RAB6B: variants seen among roughly 807,000 people sequenced by gnomAD.
The protein encoded by RAB6B is ras-related protein Rab-6B.
A neutral mutation model predicts 31.2 loss-of-function variants in RAB6B; 7 were observed. That is an observed-to-expected ratio of 0.22 (90% CI 0.13 to 0.42). RAB6B has a LOEUF of 0.42. Among genes scored for constraint, RAB6B ranks in the 10% least tolerant of loss-of-function variants. RAB6B has a pLI of 1.00. For missense variants in RAB6B, 149 were observed against 280.6 expected (o/e 0.53, Z 3.35); for synonymous variants, 105 against 104.9 (o/e 1.00, Z -0.01).
chr3:133,833,196 G>A (rs73861229), intron 7 of RAB6B, among the ~76,000 whole-genome samples: 23,212 of 152,132 alleles, frequency 0.15, 5,210 homozygotes, highest in African/African-American at 0.49. Context: ...CCATGTGACA[G>A]GTGATTCCAC....
rs919404584 is a variant in RAB6B at position 133,824,904 on chromosome 3, C to G, written c.*3884G>C. On this transcript the variant is annotated 3_prime_UTR_variant, in exon 8 of 8. Coordinates refer to ENST00000285208, the MANE Select transcript of RAB6B (RefSeq NM_016577.4). ...ATGAAAAATGGAAACTTCACTGGTT[C>G]TGATCACTCCTAACTTGCTGGGTGA... 2 of 152,174 alleles carry G rather than the reference C, an allele frequency of 1.3e-5. No homozygotes were observed. Among genetic ancestry groups the G allele is most frequent in the African/African-American group, 4.8e-5 (2 of 41,428 alleles). 9.4% of individuals were successfully genotyped at this position (152,174 alleles called of 1,614,324 possible).
chr3:133,871,781 G>A (rs1362218272), intron 1 of RAB6B, among the ~76,000 whole-genome samples: 1 of 152,238 alleles, frequency 6.6e-6, no homozygotes, highest in Non-Finnish European at 1.5e-5. Flanking sequence ...CTGGCAGAAG[G>A]TGTACCACCC....
intron 1 of RAB6B, among the ~76,000 whole-genome samples, chr3:133,873,638 T>C (rs1000591228): frequency 1.3e-5 from 2 of 152,202 alleles, no homozygotes; most frequent in African/African-American, 4.8e-5. Context: ...ACCCCAAGGT[T>C]TACTGAGGTA....
chr3:133,895,265 AT>A, intron 1 of RAB6B, 131 bp downstream of exon 1: 2 of 590,924 alleles, frequency 3.4e-6, no homozygotes, highest in Non-Finnish European at 5.3e-6. Flanking sequence ...CGACCTCCCC[AT>A]CCCTGTCCCT....
At chr3:133,867,708 T>C (rs1198777155) in intron 1 of RAB6B, among the ~76,000 whole-genome samples, 1 of 152,012 alleles carries the variant, frequency 6.6e-6, no homozygotes, top group Non-Finnish European at 1.5e-5. Flanking sequence ...ATCTGAAAGG[T>C]CAGAAACTGG....
intron 1 of RAB6B, among the ~76,000 whole-genome samples, chr3:133,866,447 C>T (rs1028828996): frequency 1.6e-4 from 24 of 152,158 alleles, no homozygotes; most frequent in African/African-American, 3.9e-4. Context: ...CTGACCACCA[C>T]GCCAACTCTG....
At chr3:133,828,992 G>T in intron 7 of RAB6B, 140 bp from the exon 8 acceptor site, 1 of 767,908 alleles carries the variant, frequency 1.3e-6, no homozygotes, top group Non-Finnish European at 2.0e-6. Flanking sequence ...GCTGGGCTAG[G>T]AAGGATGCAA....
chr3:133,848,380 T>C (rs529379443), intron 2 of RAB6B, among the ~76,000 whole-genome samples: 1 of 152,346 alleles, frequency 6.6e-6, no homozygotes, highest in South Asian at 2.1e-4. Flanking sequence ...GAACTTCTTT[T>C]ACCTAAATAA....
chr3:133,838,307 C>T (rs968353517), intron 5 of RAB6B, 48 bp from the exon 6 acceptor site: 1 of 1,561,980 alleles, frequency 6.4e-7, no homozygotes, highest in Non-Finnish European at 8.8e-7. Context: ...AGAAGCAGAC[C>T]CTGGCAGATA....
At position 133,827,584 on chromosome 3, in the gene RAB6B, G is replaced by A. The variant is rs1935585412; in HGVS notation, c.*1204C>T. The A allele has an allele frequency of 5.8e-6, 2 of 345,646 alleles. No individual in the cohort carries two copies. The highest frequency in any genetic ancestry group is 8.8e-5 in the Admixed American group (2 of 22,614). 21.4% of individuals were successfully genotyped at this position (345,646 alleles called of 1,614,324 possible). ...CACATCCTCAGGTGACCACAGCGCA[G>A]CCACAGTAGCCACAAAGATATGTCC... On this transcript the variant is annotated 3_prime_UTR_variant, in exon 8 of 8. Transcript: ENST00000285208.
intron 2 of RAB6B, among the ~76,000 whole-genome samples, chr3:133,856,773 C>G (rs962302740): frequency 6.6e-6 from 1 of 152,104 alleles, no homozygotes; most frequent in Non-Finnish European, 1.5e-5. Flanking sequence ...GTATCTTCTG[C>G]CGGGTCAATG....
At chr3:133,848,459 GT>G (rs1390470887) in intron 2 of RAB6B, among the ~76,000 whole-genome samples, 4 of 152,230 alleles carry the variant, frequency 2.6e-5, no homozygotes, top group Non-Finnish European at 4.4e-5. Context: ...CAGGCAGGAT[GT>G]CTTAGTCCAT....
At chr3:133,835,460 C>T (rs1361375593) in intron 6 of RAB6B, among the ~76,000 whole-genome samples, 1 of 139,178 alleles carries the variant, frequency 7.2e-6, no homozygotes. Context: ...TGTCTGCGTA[C>T]ATGTGGGTTT....
chr3:133,893,318 T>A (rs945558716), intron 1 of RAB6B, among the ~76,000 whole-genome samples: 5 of 152,176 alleles, frequency 3.3e-5, no homozygotes, highest in African/African-American at 1.2e-4. Context: ...CCCAGAAGCA[T>A]TAGCAACTCA....
At chr3:133,846,106 A>G (rs1935905135) in intron 2 of RAB6B, among the ~76,000 whole-genome samples, 1 of 152,180 alleles carries the variant, frequency 6.6e-6, no homozygotes, top group Non-Finnish European at 1.5e-5. Flanking sequence ...ATAAAAATAA[A>G]GAGAGCTTCA....
chr3:133,885,454 G>A (rs979587332), intron 1 of RAB6B: 1 of 699,404 alleles, frequency 1.4e-6, no homozygotes, highest in Admixed American at 2.0e-5. Flanking sequence ...GTGACCAGAG[G>A]ACAGAGGACT....
intron 7 of RAB6B, among the ~76,000 whole-genome samples, chr3:133,832,068 C>T (rs778271740): frequency 2.0e-5 from 3 of 152,156 alleles, no homozygotes; most frequent in Non-Finnish European, 2.9e-5. Flanking sequence ...ATCTGGTTTG[C>T]GGCGTCACTG....
Position 133,828,648 on chromosome 3 carries a change from C to A in RAB6B, c.*140G>T. ...TGATGCCCAGCCTCCCTCCCCATCC[C>A]ACCCTACTCCTAAAGACAGAGAGAA... is the stretch of plus-strand genomic sequence containing the variant. On this transcript the variant is annotated 3_prime_UTR_variant, in exon 8 of 8. Transcript: ENST00000285208. The A allele has an allele frequency of 5.4e-6, 4 of 747,422 alleles. No individual in the cohort carries two copies. Among genetic ancestry groups the A allele is most frequent in the Admixed American group, 1.8e-5 (1 of 54,334 alleles). 46.3% of individuals were successfully genotyped at this position (747,422 alleles called of 1,614,324 possible). A position where few individuals can be genotyped will look rare whatever the true frequency, so the allele number is the denominator to read the frequency against.
chr3:133,835,567 A>G (rs1017936974), intron 6 of RAB6B, among the ~76,000 whole-genome samples: 3 of 151,414 alleles, frequency 2.0e-5, no homozygotes. Flanking sequence ...GCAGAGATGG[A>G]ATCTTGGAGG....
Sources: gnomAD v4.1 joint callset for allele counts (sites outside exome capture counted in the v4.1 genomes callset) on GRCh38, gnomAD v4.1.1 for gene constraint, MANE v1.5 for transcripts, NCBI Gene and HGNC (gene_info 2026-07-23, HGNC 2026-07-21) for gene names.